Variants in TTLL5 observed in about 807,000 individuals in gnomAD.
TTLL5 encodes the protein tubulin polyglutamylase TTLL5.
A neutral mutation model predicts 168.4 loss-of-function variants in TTLL5; 132 were observed. That is an observed-to-expected ratio of 0.78 (90% confidence interval 0.68 to 0.91). TTLL5 has a LOEUF of 0.91. Among genes scored for constraint, TTLL5 ranks in the 40% least tolerant of loss-of-function variants. The pLI is 0.00. For synonymous variants in TTLL5, 546 were observed against 558.6 expected (o/e 0.98, Z 0.32); for missense variants, 1,545 against 1,581.5 (o/e 0.98, Z 0.39).
At position 75,699,169 on chromosome 14, in the gene TTLL5, C is replaced by T. The variant is rs2140155100; in HGVS notation, c.503-19C>T. Reference sequence around the variant, plus strand: ...TTTCTTTGTTTCCTCTGTTTTTTATCTCCCAATATTTTGAGCAGATTCATA... The same window carrying T: ...TTTCTTTGTTTCCTCTGTTTTTTATTTCCCAATATTTTGAGCAGATTCATA... On this transcript the variant is annotated intron_variant, in intron 6 of 31. Coordinates refer to ENST00000298832, the MANE Select transcript of TTLL5 (RefSeq NM_015072.5). 1.3e-6 allele frequency: 2 copies of T among 1,599,774 alleles called. No individual in the cohort carries two copies. The highest frequency in any genetic ancestry group is 1.1e-5 in the South Asian group (1 of 90,654).
intron 12 of TTLL5, among the ~76,000 whole-genome samples, chr14:75,723,419 A>G (rs1807191980): frequency 6.6e-6 from 1 of 152,146 alleles, no homozygotes; most frequent in African/African-American, 2.4e-5. Flanking sequence ...CTGTTTGAAG[A>G]TGGGGATGAG....
At chr14:75,697,398 A>G (rs1488498667) in intron 6 of TTLL5, among the ~76,000 whole-genome samples, 3 of 152,210 alleles carry the variant, frequency 2.0e-5, no homozygotes, top group Non-Finnish European at 4.4e-5. Context: ...AGAATTGCTC[A>G]CAGAGTTTTA....
At chr14:75,819,195 A>G (rs770530898) in intron 27 of TTLL5, among the ~76,000 whole-genome samples, 29 of 152,320 alleles carry the variant, frequency 1.9e-4, no homozygotes, top group Non-Finnish European at 2.2e-4. Flanking sequence ...AATCATCTGC[A>G]ATTGTTTTGT....
chr14:75,783,052 T>C, intron 25 of TTLL5, 95 bp from the exon 26 acceptor site: 1 of 1,275,630 alleles, frequency 7.8e-7, no homozygotes, highest in Non-Finnish European at 1.1e-6. Context: ...ATGCCAAGAT[T>C]ATTGTGATGT....
chr14:75,719,685 A>T, intron 10 of TTLL5, 50 bp from the exon 11 acceptor site: 1 of 1,484,174 alleles, frequency 6.7e-7, no homozygotes, highest in African/African-American at 1.4e-5. Context: ...TCTTGTTATT[A>T]TAGCCAAGCC....
chr14:75,724,989 A>G (rs1250815576), intron 12 of TTLL5, among the ~76,000 whole-genome samples: 1 of 152,210 alleles, frequency 6.6e-6, no homozygotes, highest in East Asian at 1.9e-4. Flanking sequence ...GTGTATTAGC[A>G]TGGCTGAAGT....
At position 75,954,750 on chromosome 14, in the gene TTLL5, C is replaced by A; in HGVS notation, c.*304C>A. 2.3e-6 allele frequency: 1 copy of A among 429,638 alleles called. No homozygotes were observed. The highest frequency in any genetic ancestry group is 3.6e-5 in the East Asian group (1 of 28,130). 26.6% of individuals were successfully genotyped at this position (429,638 alleles called of 1,614,324 possible). On this transcript the variant is annotated 3_prime_UTR_variant, in exon 32 of 32. Transcript: ENST00000298832. ...TTTTACCTTCCCTTTGCCCCATGCC[C>A]CCAAACTGCTTAGGTCTTCTCTGTC...
chr14:75,757,853 T>C (rs1187148533), intron 18 of TTLL5: 1 of 1,592,980 alleles, frequency 6.3e-7, no homozygotes. Context: ...AAGAAGCTTA[T>C]TGACAGGAAG....
chr14:75,808,210 C>G (rs1566613093), intron 27 of TTLL5, among the ~76,000 whole-genome samples: 1 of 152,128 alleles, frequency 6.6e-6, no homozygotes, highest in Non-Finnish European at 1.5e-5. Context: ...TTTTGGAACA[C>G]TAAATGTCTA....
intron 17 of TTLL5, among the ~76,000 whole-genome samples, chr14:75,747,790 T>C (rs1889703389): frequency 6.6e-6 from 1 of 152,200 alleles, no homozygotes; most frequent in African/African-American, 2.4e-5. Flanking sequence ...ACACCTTACC[T>C]TCTCCTTAAT....
intron 31 of TTLL5, among the ~76,000 whole-genome samples, chr14:75,946,852 G>A (rs187943173): frequency 2.0e-5 from 3 of 152,334 alleles, no homozygotes; most frequent in Non-Finnish European, 2.9e-5. Flanking sequence ...GAAGAAGGGG[G>A]AATAAGCTGG....
chr14:75,745,547 A>C lies in TTLL5; in HGVS notation c.1453A>C (p.Ile485Leu), dbSNP rs770110882. Reference sequence around the variant, plus strand: ...TGATCGGCGAGGTGGATTTATTCGCATATTTCCTACATCTGAGACATGGGA... The same window carrying C: ...TGATCGGCGAGGTGGATTTATTCGCCTATTTCCTACATCTGAGACATGGGA... ...ENDRRGGFIR[I>L]FPTSETWEIY... is the part of the protein sequence containing the mutation. The change falls in exon 17 of 32, where the codon ATA becomes CTA. Residue 485 changes from isoleucine (I) to leucine (L), a missense_variant. Ile to Leu is a conservative substitution (Grantham distance 5). Transcript: ENST00000298832. 2 of 1,613,862 alleles carry C rather than the reference A, an allele frequency of 1.2e-6. No individual in the cohort carries two copies. Among genetic ancestry groups the C allele is most frequent in the African/African-American group, 2.7e-5 (2 of 74,878 alleles).
chr14:75,854,011 C>T (rs375000786), intron 28 of TTLL5, among the ~76,000 whole-genome samples: 69 of 152,076 alleles, frequency 4.5e-4, no homozygotes, highest in African/African-American at 1.6e-3. Flanking sequence ...CCACTGCCCT[C>T]CAGTCAGGGT....
intron 15 of TTLL5, among the ~76,000 whole-genome samples, chr14:75,743,798 G>A (rs570658588): frequency 9.9e-5 from 15 of 151,954 alleles, no homozygotes; most frequent in Admixed American, 2.0e-4. Flanking sequence ...AGCCAGGATG[G>A]TCTCAATCTC....
At chr14:75,701,712 C>T (rs997685884) in intron 7 of TTLL5, among the ~76,000 whole-genome samples, 5 of 152,188 alleles carry the variant, frequency 3.3e-5, no homozygotes. Flanking sequence ...CTCCTGGCCT[C>T]ACTGTTCCAA....
chr14:75,867,980 C>G (rs1165484084), intron 29 of TTLL5, among the ~76,000 whole-genome samples: 1 of 152,156 alleles, frequency 6.6e-6, no homozygotes, highest in Non-Finnish European at 1.5e-5. Flanking sequence ...GTAACAGTGA[C>G]TACTGGTGAC....
At chr14:75,914,559 T>C (rs1008154603) in intron 31 of TTLL5, among the ~76,000 whole-genome samples, 1 of 151,842 alleles carries the variant, frequency 6.6e-6, no homozygotes, top group East Asian at 1.9e-4. Context: ...TTCTATCCCA[T>C]TTCTTGCAAC....
At chr14:75,828,857 G>A (rs75338697) in intron 28 of TTLL5, among the ~76,000 whole-genome samples, 3 of 152,190 alleles carry the variant, frequency 2.0e-5, no homozygotes, top group African/African-American at 7.2e-5. Context: ...GAAACTGGTA[G>A]TAAGTAATGT....
At chr14:75,831,645 G>C (rs1455846002) in intron 28 of TTLL5, among the ~76,000 whole-genome samples, 1 of 152,158 alleles carries the variant, frequency 6.6e-6, no homozygotes, top group Non-Finnish European at 1.5e-5. Flanking sequence ...TGGCTAGCAG[G>C]GGGAGTGGGT....
Sources: allele counts gnomAD v4.1 joint callset (sites outside exome capture counted in the v4.1 genomes callset), GRCh38; gene constraint gnomAD v4.1.1; transcripts MANE v1.5; gene names NCBI Gene and HGNC (gene_info 2026-07-23, HGNC 2026-07-21).